ALMS1: variants seen among roughly 807,000 people sequenced by gnomAD.
ALMS1 encodes centrosome-associated protein ALMS1.
A neutral mutation model predicts 352.2 loss-of-function variants in ALMS1; 271 were observed. The observed-to-expected ratio is 0.77, with a 90% CI of 0.70 to 0.85. The LOEUF (loss-of-function observed/expected upper bound fraction) is 0.85. Ranked by LOEUF, ALMS1 falls within the 40% of genes least tolerant of loss-of-function variation. The probability of loss-of-function intolerance (pLI) is 0.00; values close to 1 mark genes in which losing one functional copy is unlikely to be tolerated. For synonymous variants in ALMS1, 1,865 were observed against 1,761.2 expected, an observed-to-expected ratio of 1.06 and a Z score of -1.48; for missense variants, 5,445 against 4,870.7, an observed-to-expected ratio of 1.12 and a Z score of -3.51.
intron 10 of ALMS1, among the ~76,000 whole-genome samples, chr2:73,512,999 C>T (rs539084610): frequency 9.6e-4 from 146 of 152,184 alleles, no homozygotes; most frequent in African/African-American, 3.4e-3. Flanking sequence ...ACCATATGTT[C>T]ATCTCATTTT....
chr2:73,456,504 C>T (rs565532256), intron 9 of ALMS1, among the ~76,000 whole-genome samples: 24 of 152,170 alleles, frequency 1.6e-4, no homozygotes, highest in Admixed American at 1.2e-3. Context: ...CTTAGTAGAA[C>T]GTGTGATGTC....
rs114299632 is a variant in ALMS1, at chr2:73,479,765, T to A, written c.7675-9869T>A. On this transcript the variant is annotated intron_variant, in intron 9 of 22. Coordinates refer to ENST00000613296, the MANE Select transcript of ALMS1 (RefSeq NM_001378454.1). ...TTGCAATTGCTGGGTCATGTGGTAG[T>A]TGCATGTTTAGTTTTTTGAAAGACA... Among the ~76,000 whole-genome samples, 1,495 of 152,278 alleles carry A rather than the reference T, an allele frequency of 9.8e-3. 29 individuals are homozygous for A. The highest frequency in any genetic ancestry group is 0.034 in the African/African-American group (1,403 of 41,550).
intron 9 of ALMS1, among the ~76,000 whole-genome samples, chr2:73,465,500 A>G (rs924959965): frequency 2.0e-5 from 3 of 152,228 alleles, no homozygotes; most frequent in Admixed American, 6.5e-5. Context: ...AGATGGATTA[A>G]AGACTTACAT....
At chr2:73,413,577 G>A (rs1268755052) in intron 2 of ALMS1, among the ~76,000 whole-genome samples, 1 of 152,082 alleles carries the variant, frequency 6.6e-6, no homozygotes, top group South Asian at 2.1e-4. Flanking sequence ...GTAACCATCC[G>A]GAATGCTTTC....
At position 73,427,007 on chromosome 2, in the gene ALMS1, G is replaced by A. The variant is rs555080758; in HGVS notation, c.1338+454G>A. ...ATAAAAGAAATGTTTATGTTTCATAGACTGTAAGACTTAGTTCTGTGGTGT... is the reference window on the plus strand; with the variant it reads ...ATAAAAGAAATGTTTATGTTTCATAAACTGTAAGACTTAGTTCTGTGGTGT... On this transcript the variant is annotated intron_variant, in intron 6 of 22. Coordinates refer to ENST00000613296, the MANE Select transcript of ALMS1 (RefSeq NM_001378454.1). Among the ~76,000 whole-genome samples, 9 of 152,246 alleles carry A rather than the reference G, an allele frequency of 5.9e-5. No individual in the cohort carries two copies. The East Asian group carries it at 1.5e-3, about 26-fold the overall frequency.
chr2:73,568,235 A>T (rs1479795798), intron 15 of ALMS1, among the ~76,000 whole-genome samples: 1 of 152,222 alleles, frequency 6.6e-6, no homozygotes, highest in Non-Finnish European at 1.5e-5. Flanking sequence ...GGAAACATTC[A>T]TGTACTCTTA....
intron 10 of ALMS1, among the ~76,000 whole-genome samples, chr2:73,494,293 G>A (rs1673058381): frequency 6.6e-6 from 1 of 152,156 alleles, no homozygotes; most frequent in South Asian, 2.1e-4. Context: ...AATTCCACAA[G>A]GTCCTGAATA....
intron 9 of ALMS1, among the ~76,000 whole-genome samples, chr2:73,476,157 T>C (rs1672579170): frequency 6.6e-6 from 1 of 152,112 alleles, no homozygotes; most frequent in Admixed American, 6.6e-5. Flanking sequence ...ATATGTCTTT[T>C]TGCCACTGGT....
intron 11 of ALMS1, among the ~76,000 whole-genome samples, chr2:73,530,987 T>A (rs1357935799): frequency 6.6e-6 from 1 of 152,180 alleles, no homozygotes; most frequent in Non-Finnish European, 1.5e-5. Flanking sequence ...CATTTTTCCC[T>A]CCTAGGCCTC....
chr2:73,460,105 T>C lies in ALMS1; in HGVS notation c.7674+4810T>C, dbSNP rs143657357. Among the ~76,000 whole-genome samples the C allele has an allele frequency of 3.8e-4, 58 of 152,284 alleles. No individual in the cohort carries two copies. In the East Asian group the frequency reaches 9.1e-3, roughly 24 times the overall value. Reference sequence around the variant, plus strand: ...TGATAGTAAGAAACTTGGCTCCCATTATCCTCCATATATTTACTTGTTTAA... The same window carrying C: ...TGATAGTAAGAAACTTGGCTCCCATCATCCTCCATATATTTACTTGTTTAA... On this transcript the variant is annotated intron_variant, in intron 9 of 22. Transcript: ENST00000613296.
chr2:73,459,572 T>C (rs973151638), intron 9 of ALMS1: 2 of 152,304 alleles, frequency 1.3e-5, no homozygotes, highest in South Asian at 4.2e-4. Flanking sequence ...TTATGGACTC[T>C]TGGATTTTTC....
rs1368448238 is a variant in ALMS1, at chr2:73,609,880, G to GT, written c.*273dup. Reference sequence around the variant, plus strand: ...CAAGAATAAGTCCCTTTTTGTATGTGTTTTTATACTTTTAGAAAATAAAAA... The same window carrying GT: ...CAAGAATAAGTCCCTTTTTGTATGTGTTTTTTATACTTTTAGAAAATAAAAA... On this transcript the variant is annotated 3_prime_UTR_variant, in exon 23 of 23. Transcript: ENST00000613296. 2 of 437,266 alleles carry GT rather than the reference G, an allele frequency of 4.6e-6. No individual in the cohort carries two copies. Among genetic ancestry groups the GT allele is most frequent in the African/African-American group, 4.0e-5 (2 of 50,272 alleles). The allele number at this position is 437,266 out of a possible 1,614,324, so 27.1% of individuals were successfully genotyped here. A position where few individuals can be genotyped will look rare whatever the true frequency, so the allele number is the denominator to read the frequency against.
At chr2:73,470,408 C>G (rs1672443851) in intron 9 of ALMS1, 1 of 151,532 alleles carries the variant, frequency 6.6e-6, no homozygotes, top group South Asian at 2.1e-4. Flanking sequence ...TAAAATTTTC[C>G]TTGATTTCAT....
At chr2:73,563,895 A>G (rs573956746) in intron 15 of ALMS1, among the ~76,000 whole-genome samples, 1 of 152,208 alleles carries the variant, frequency 6.6e-6, no homozygotes, top group African/African-American at 2.4e-5. Context: ...TCAAAGAGAA[A>G]TGGACAAATA....
In ALMS1 at chr2:73,451,261, T is replaced by C; in HGVS notation, c.4734T>C (p.Ile1578=). 1 of 1,613,496 alleles carries C rather than the reference T, an allele frequency of 6.2e-7. No homozygotes were observed. Among genetic ancestry groups the C allele is most frequent in the East Asian group, 2.2e-5 (1 of 44,840 alleles). ...CCTACTCATTTGGAGAGAAGCCGAT[T>C]GTTAACTACAAACAGGCCTTTCCAG... The part of the protein sequence containing the change: ...STSYSFGEKP[I]VNYKQAFPDG... The change falls in exon 8 of 23, where the codon ATT becomes ATC. Residue 1578 remains isoleucine (I), a synonymous_variant. Transcript: ENST00000613296.
At chr2:73,466,931 A>C (rs1672361836) in intron 9 of ALMS1, among the ~76,000 whole-genome samples, 1 of 152,134 alleles carries the variant, frequency 6.6e-6, no homozygotes, top group Non-Finnish European at 1.5e-5. Context: ...GCTGTTATTT[A>C]CTTTAGCTTG....
At chr2:73,562,605 A>C (rs752995825) in intron 15 of ALMS1, among the ~76,000 whole-genome samples, 27 of 152,174 alleles carry the variant, frequency 1.8e-4, no homozygotes, top group Non-Finnish European at 3.2e-4. Flanking sequence ...TGAAAATTAT[A>C]GGCCAGACGC....
chr2:73,489,549 GT>G, intron 9 of ALMS1, 84 bp from the exon 10 acceptor site: 4 of 1,474,152 alleles, frequency 2.7e-6, no homozygotes, highest in Non-Finnish European at 2.8e-6. Flanking sequence ...CTTAGCGTGG[GT>G]ATAAAACTGA....
At chr2:73,421,012 C>T (rs1044813035) in intron 3 of ALMS1, among the ~76,000 whole-genome samples, 5 of 152,170 alleles carry the variant, frequency 3.3e-5, no homozygotes, top group African/African-American at 9.6e-5. Flanking sequence ...AAGTAAAATA[C>T]ACCACCTTCC....
Sources: gnomAD v4.1 joint callset for allele counts (sites outside exome capture counted in the v4.1 genomes callset) on GRCh38, gnomAD v4.1.1 for gene constraint, MANE v1.5 for transcripts, NCBI Gene and HGNC (gene_info 2026-07-23, HGNC 2026-07-21) for gene names.